CLIP2: variants seen among roughly 807,000 people sequenced by gnomAD.
CLIP2 encodes CAP-Gly domain-containing linker protein 2.
In CLIP2, 41 loss-of-function variants were observed where a neutral mutation model predicts 111.7. The observed-to-expected ratio is 0.37, with a 90% CI of 0.29 to 0.48. CLIP2 has a LOEUF of 0.48. CLIP2 is among the 20% of genes least tolerant of loss of function. The pLI, the probability that CLIP2 is intolerant of heterozygous loss-of-function variation, is 0.99. For missense variants in CLIP2, 1,160 were observed against 1,422.1 expected (o/e 0.82, Z 2.96); for synonymous variants, 660 against 644.2 (o/e 1.02, Z -0.37).
chr7:74,361,451 A>C (rs1190967225), intron 7 of CLIP2, among the ~76,000 whole-genome samples: 1 of 151,916 alleles, frequency 6.6e-6, no homozygotes, highest in Non-Finnish European at 1.5e-5. Flanking sequence ...TCCTGATCTC[A>C]GGTGATCCAC....
intron 8 of CLIP2, among the ~76,000 whole-genome samples, chr7:74,370,602 C>A (rs1196268905): frequency 7.0e-6 from 1 of 143,326 alleles, no homozygotes; most frequent in Non-Finnish European, 1.5e-5. Context: ...AACCCTCCCC[C>A]CCACCACCAC....
chr7:74,336,640 G>A (rs1789468663), intron 2 of CLIP2, among the ~76,000 whole-genome samples: 1 of 152,064 alleles, frequency 6.6e-6, no homozygotes, highest in South Asian at 2.1e-4. Flanking sequence ...AATTATGGGA[G>A]CTACAATTCA....
Position 74,400,699 on chromosome 7 carries a change from G to A in CLIP2, c.3066+144G>A, listed in dbSNP as rs28599180. 1.4e-3 allele frequency: 1,134 copies of A among 810,800 alleles called. 15 individuals carry two copies. In the African/African-American group the frequency reaches 0.018, roughly 13 times the overall value. 50.2% of individuals were successfully genotyped at this position (810,800 alleles called of 1,614,324 possible). ...CTCGTCCCAGGAACCTGGTCTGAAG[G>A]GGGAGGTAGCCCTGTCCCAGAAACC... On this transcript the variant is annotated intron_variant, in intron 15 of 16. Coordinates refer to ENST00000223398, the MANE Select transcript of CLIP2 (RefSeq NM_003388.5).
Position 74,356,593 on chromosome 7 carries a change from C to T in CLIP2, c.987C>T (p.Ser329=), listed in dbSNP as rs199730295. 2.5e-5 allele frequency: 41 copies of T among 1,613,992 alleles called. No individual in the cohort carries two copies. In the Middle Eastern group the frequency reaches 8.3e-4, roughly 32 times the overall value. Residue 329 remains serine (S), a synonymous_variant, in exon 5 of 17, where the codon TCC becomes TCT. Transcript: ENST00000223398. ...GCTCCGTCAGCTCTGTGGCCTCCTCCGTGGGGGGTCGGCCCAGCCGCAGTG... is the reference window on the plus strand; with the variant it reads ...GCTCCGTCAGCTCTGTGGCCTCCTCTGTGGGGGGTCGGCCCAGCCGCAGTG... ...SISSVSSVAS[S]VGGRPSRSGL...
intron 1 of CLIP2, among the ~76,000 whole-genome samples, chr7:74,311,426 C>T (rs572707827): frequency 3.9e-5 from 6 of 152,304 alleles, no homozygotes; most frequent in Admixed American, 2.0e-4. Context: ...TTAGCCATTT[C>T]CCTTGATGGG....
intron 14 of CLIP2, among the ~76,000 whole-genome samples, chr7:74,398,179 C>G (rs1413104551): frequency 6.6e-6 from 1 of 151,418 alleles, no homozygotes; most frequent in Non-Finnish European, 1.5e-5. Flanking sequence ...GCCAACATGG[C>G]GAAACCCCAT....
chr7:74,289,957 G>A (rs1054855954), intron 1 of CLIP2, among the ~76,000 whole-genome samples: 2 of 152,186 alleles, frequency 1.3e-5, no homozygotes, highest in Non-Finnish European at 2.9e-5. Context: ...AGGGGGCACT[G>A]CTTGGGGTGC....
chr7:74,347,590 C>T (rs888509217), intron 3 of CLIP2, among the ~76,000 whole-genome samples: 8 of 152,284 alleles, frequency 5.3e-5, no homozygotes, highest in African/African-American at 1.9e-4. Context: ...CTCTAAGTCC[C>T]CCTTACCCCC....
intron 13 of CLIP2, among the ~76,000 whole-genome samples, chr7:74,392,935 C>A (rs782198384): frequency 6.6e-6 from 1 of 152,222 alleles, no homozygotes; most frequent in South Asian, 2.1e-4. Flanking sequence ...GCCCCTGCCC[C>A]CTTCTGATGG....
At chr7:74,340,905 A>G (rs949634147) in intron 3 of CLIP2, among the ~76,000 whole-genome samples, 7 of 152,056 alleles carry the variant, frequency 4.6e-5, no homozygotes, top group African/African-American at 1.7e-4. Flanking sequence ...TTGGAGCTCC[A>G]AAGCCGAGTG....
At chr7:74,332,563 G>A (rs547798690) in intron 2 of CLIP2, among the ~76,000 whole-genome samples, 12 of 147,234 alleles carry the variant, frequency 8.2e-5, no homozygotes, top group African/African-American at 2.7e-4. Context: ...CTCCCAAAGA[G>A]CTGGGATTAC....
At chr7:74,401,592 G>A (rs782695036) in intron 16 of CLIP2, 25 bp downstream of exon 16, 6 of 1,609,972 alleles carry the variant, frequency 3.7e-6, no homozygotes, top group Non-Finnish European at 1.7e-6. Flanking sequence ...GGGCCTCCCA[G>A]GTCCCTCCCG....
intron 14 of CLIP2, among the ~76,000 whole-genome samples, chr7:74,397,906 A>C (rs1239881014): frequency 2.0e-5 from 3 of 151,256 alleles, no homozygotes; most frequent in Non-Finnish European, 4.4e-5. Context: ...TGACCTTGTG[A>C]TCCTCCTGCC....
At position 74,366,565 on chromosome 7, in the gene CLIP2, G is replaced by A. The variant is rs368257247; in HGVS notation, c.1380+2250G>A. Among the ~76,000 whole-genome samples, 4 of 152,204 alleles carry A rather than the reference G, an allele frequency of 2.6e-5. No homozygotes were observed. In the South Asian group the frequency reaches 6.2e-4, roughly 24 times the overall value. On this transcript the variant is annotated intron_variant, in intron 8 of 16. Transcript: ENST00000223398. ...TAAAACAGCACAAACATATGCTTTC[G>A]CAGTTCTGGAAGCCAGAAGTCTAAA...
chr7:74,335,054 C>T (rs782128576), intron 2 of CLIP2, among the ~76,000 whole-genome samples: 3 of 151,866 alleles, frequency 2.0e-5, no homozygotes, highest in Non-Finnish European at 2.9e-5. Context: ...GTGTCCTACT[C>T]GGCCTGAGTG....
At chr7:74,305,867 C>CT (rs1788472484) in intron 1 of CLIP2, among the ~76,000 whole-genome samples, 1 of 125,100 alleles carries the variant, frequency 8.0e-6, no homozygotes, top group Non-Finnish European at 1.6e-5. Flanking sequence ...CCCCCCCCAC[C>CT]GCCCCTGCTG....
rs368834820 is a variant in CLIP2 at position 74,295,989 on chromosome 7, C to CAAA, written c.-68+6273_-68+6275dup. Reference sequence around the variant, plus strand: ...GGATGACAGAGTGAAACCCTGTCTCCAAAAAAAAAAAAAAAAAAAAGCGTT... The same window carrying CAAA: ...GGATGACAGAGTGAAACCCTGTCTCCAAAAAAAAAAAAAAAAAAAAAAAGCGTT... On this transcript the variant is annotated intron_variant, in intron 1 of 16. Coordinates refer to ENST00000223398, the MANE Select transcript of CLIP2 (RefSeq NM_003388.5). Among the ~76,000 whole-genome samples the CAAA allele has an allele frequency of 4.1e-3, 290 of 70,920 alleles. 8 individuals carry two copies. Among genetic ancestry groups the CAAA allele is most frequent in the African/African-American group, 0.011 (267 of 24,068 alleles). 46.5% of individuals were successfully genotyped at this position (70,920 alleles called of 152,430 possible).
chr7:74,390,587 T>C (rs1471080614), intron 13 of CLIP2, among the ~76,000 whole-genome samples: 1 of 151,966 alleles, frequency 6.6e-6, no homozygotes, highest in Admixed American at 6.6e-5. Context: ...GAGGATCACC[T>C]TAGGTGGCAA....
intron 2 of CLIP2, among the ~76,000 whole-genome samples, chr7:74,323,088 TATTTATTTA>T (rs1554730224): frequency 1.6e-4 from 2 of 12,210 alleles, no homozygotes; most frequent in African/African-American, 4.7e-4. Flanking sequence ...ATGTTTTATT[TATTTATTTA>T]TTTATTTATT....
Sources: gnomAD v4.1 joint callset for allele counts (sites outside exome capture counted in the v4.1 genomes callset) on GRCh38, gnomAD v4.1.1 for gene constraint, MANE v1.5 for transcripts, NCBI Gene and HGNC (gene_info 2026-07-23, HGNC 2026-07-21) for gene names.